Variants in ROBO1 observed in about 807,000 individuals in gnomAD.
The protein encoded by ROBO1 is roundabout homolog 1.
In ROBO1, 149 loss-of-function variants were observed where a neutral mutation model predicts 195.9. The ratio of observed to expected loss-of-function variants is 0.76; its 90% CI spans 0.67 to 0.87. ROBO1 has a LOEUF of 0.87. Ranked by LOEUF, ROBO1 falls within the 40% of genes least tolerant of loss-of-function variation. The probability of loss-of-function intolerance (pLI) is 0.00; values close to 1 mark genes in which losing one functional copy is unlikely to be tolerated. For synonymous variants in ROBO1, 816 were observed against 733.2 expected (o/e 1.11, Z -1.82); for missense variants, 1,933 against 2,068.3 (o/e 0.93, Z 1.27).
intron 1 of ROBO1, among the ~76,000 whole-genome samples, chr3:79,647,604 C>T (rs192976563): frequency 2.7e-3 from 409 of 152,028 alleles, no homozygotes; most frequent in Non-Finnish European, 4.3e-3. Context: ...GGCAGGATTG[C>T]TGCTAAACTT....
At chr3:79,745,727 A>T (rs1171693741) in intron 1 of ROBO1, among the ~76,000 whole-genome samples, 1 of 152,152 alleles carries the variant, frequency 6.6e-6, no homozygotes, top group Non-Finnish European at 1.5e-5. Flanking sequence ...TGGAAAATAC[A>T]CTTTAGTATA....
chr3:78,675,530 C>T (rs528866369), intron 10 of ROBO1, among the ~76,000 whole-genome samples: 6 of 152,230 alleles, frequency 3.9e-5, no homozygotes, highest in East Asian at 1.9e-4. Flanking sequence ...GCACTTGGCT[C>T]GGAGGGTCCT....
intron 4 of ROBO1, among the ~76,000 whole-genome samples, chr3:78,904,404 C>T (rs1457480204): frequency 1.3e-5 from 2 of 152,016 alleles, no homozygotes; most frequent in Admixed American, 6.6e-5. Flanking sequence ...CTACATCAGA[C>T]AGTTTCTTAC....
chr3:78,926,204 T>C (rs145445339), intron 4 of ROBO1, among the ~76,000 whole-genome samples: 1 of 152,266 alleles, frequency 6.6e-6, no homozygotes, highest in Non-Finnish European at 1.5e-5. Flanking sequence ...GGGATGGGGT[T>C]GAATTCTAGG....
chr3:79,268,780 C>T (rs1236138544), intron 2 of ROBO1, among the ~76,000 whole-genome samples: 1 of 151,612 alleles, frequency 6.6e-6, no homozygotes, highest in Non-Finnish European at 1.5e-5. Flanking sequence ...TCTAACCATC[C>T]TTGCAGGAGG....
At chr3:79,650,129 T>C (rs1229073877) in intron 1 of ROBO1, among the ~76,000 whole-genome samples, 1 of 151,860 alleles carries the variant, frequency 6.6e-6, no homozygotes, top group Admixed American at 6.6e-5. Flanking sequence ...ATAGAGAGGA[T>C]ATATAATATT....
At chr3:79,262,116 A>G (rs952543103) in intron 2 of ROBO1, among the ~76,000 whole-genome samples, 2 of 152,108 alleles carry the variant, frequency 1.3e-5, no homozygotes, top group Non-Finnish European at 2.9e-5. Context: ...CAACTAAAAC[A>G]AAGTAAAACA....
chr3:79,711,900 C>G (rs1017584789), intron 1 of ROBO1, among the ~76,000 whole-genome samples: 4 of 93,228 alleles, frequency 4.3e-5, no homozygotes, highest in South Asian at 6.8e-4. Flanking sequence ...TTTGACATTA[C>G]TATTCTAATT....
intron 3 of ROBO1, among the ~76,000 whole-genome samples, chr3:78,941,468 T>C (rs781236316): frequency 2.0e-5 from 3 of 152,206 alleles, no homozygotes; most frequent in Non-Finnish European, 4.4e-5. Context: ...CTAAGGAGGA[T>C]TGACTGCTGA....
chr3:78,629,999 C>T (rs1322916594), intron 25 of ROBO1, among the ~76,000 whole-genome samples: 1 of 152,194 alleles, frequency 6.6e-6, no homozygotes, highest in East Asian at 1.9e-4. Context: ...TTAAAATGGC[C>T]CTCAAAAGAA....
intron 4 of ROBO1, among the ~76,000 whole-genome samples, chr3:78,856,293 G>GA (rs1237662391): frequency 0.083 from 6,380 of 76,478 alleles, 357 homozygotes; most frequent in African/African-American, 0.19. Flanking sequence ...GCAAAAAAAA[G>GA]AAAAAAAAAA....
intron 1 of ROBO1, among the ~76,000 whole-genome samples, chr3:79,601,511 T>A (rs1449809904): frequency 2.6e-5 from 4 of 151,952 alleles, no homozygotes; most frequent in African/African-American, 9.7e-5. Flanking sequence ...TCTGTTTCCA[T>A]GCCTGCCATG....
At chr3:79,567,661 C>T (rs368917132) in intron 2 of ROBO1, among the ~76,000 whole-genome samples, 92 of 152,104 alleles carry the variant, frequency 6.0e-4, no homozygotes, top group African/African-American at 2.1e-3. Context: ...AGAAATTAAC[C>T]GTACCCATAT....
chr3:79,741,798 TAAAGTCC>T (rs1464036106), intron 1 of ROBO1, among the ~76,000 whole-genome samples: 1 of 152,156 alleles, frequency 6.6e-6, no homozygotes, highest in East Asian at 1.9e-4. Context: ...ATGTGGACAA[TAAAGTCC>T]AGGCTGAGGA....
At chr3:78,621,027 A>G (rs1207170341) in intron 26 of ROBO1, among the ~76,000 whole-genome samples, 1 of 151,690 alleles carries the variant, frequency 6.6e-6, no homozygotes, top group Non-Finnish European at 1.5e-5. Context: ...ATTATATATT[A>G]TTATGTGTAT....
At chr3:79,517,001 A>G (rs1940975462) in intron 2 of ROBO1, among the ~76,000 whole-genome samples, 6 of 152,202 alleles carry the variant, frequency 3.9e-5, no homozygotes, top group Admixed American at 2.6e-4. Flanking sequence ...AAAATGTGTC[A>G]TTCCAATGAG....
intron 5 of ROBO1, among the ~76,000 whole-genome samples, chr3:78,733,247 C>G (rs1193987000): frequency 1.3e-5 from 2 of 152,108 alleles, no homozygotes; most frequent in East Asian, 3.9e-4. Context: ...AAGGAAATCT[C>G]AATCCCCTGT....
At chr3:78,994,179 C>G (rs915756563) in intron 3 of ROBO1, among the ~76,000 whole-genome samples, 1 of 152,114 alleles carries the variant, frequency 6.6e-6, no homozygotes, top group Non-Finnish European at 1.5e-5. Context: ...CCTTTTAATT[C>G]CATTCCTGGA....
chr3:78,621,239 A>T (rs1484131720), intron 26 of ROBO1, among the ~76,000 whole-genome samples: 1 of 152,282 alleles, frequency 6.6e-6, no homozygotes, highest in Non-Finnish European at 1.5e-5. Context: ...TTTAATTTGG[A>T]ATGCAATAAA....
Sources: gnomAD v4.1 joint callset for allele counts (sites outside exome capture counted in the v4.1 genomes callset) on GRCh38, gnomAD v4.1.1 for gene constraint, MANE v1.5 for transcripts, NCBI Gene and HGNC (gene_info 2026-07-23, HGNC 2026-07-21) for gene names.